GHR: variants seen among roughly 807,000 people sequenced by gnomAD.
GHR encodes GH receptor.
In GHR, 35 loss-of-function variants were observed where a neutral mutation model predicts 67.1. The observed-to-expected ratio is 0.52, with a 90% CI of 0.40 to 0.69. The LOEUF (loss-of-function observed/expected upper bound fraction) is 0.69. Ranked by LOEUF, GHR falls within the 30% of genes least tolerant of loss-of-function variation. The pLI is 0.00. For missense variants in GHR, 792 were observed against 764.6 expected (o/e 1.04, Z -0.42); for synonymous variants, 272 against 269.1 (o/e 1.01, Z -0.10).
intron 3 of GHR, among the ~76,000 whole-genome samples, chr5:42,637,907 T>C (rs1336361507): frequency 2.0e-5 from 3 of 152,224 alleles, no homozygotes; most frequent in Non-Finnish European, 2.9e-5. Flanking sequence ...CTGAACTAAT[T>C]TACATTCCCA....
chr5:42,442,906 A>G (rs1160898693), intron 1 of GHR, among the ~76,000 whole-genome samples: 1 of 152,230 alleles, frequency 6.6e-6, no homozygotes, highest in East Asian at 1.9e-4. Context: ...TCTCCCTGAC[A>G]TTAGAAGTCC....
At chr5:42,472,538 A>G (rs1243193916) in intron 1 of GHR, among the ~76,000 whole-genome samples, 2 of 152,230 alleles carry the variant, frequency 1.3e-5, no homozygotes, top group African/African-American at 2.4e-5. Flanking sequence ...GCCAAATAGT[A>G]GAAAGAGAAT....
chr5:42,527,181 T>C (rs1747739997), intron 1 of GHR, among the ~76,000 whole-genome samples: 1 of 152,126 alleles, frequency 6.6e-6, no homozygotes, highest in South Asian at 2.1e-4. Flanking sequence ...CAAGCCAGCA[T>C]AACCAGCTAA....
chr5:42,625,353 T>C (rs545798787), intron 2 of GHR, among the ~76,000 whole-genome samples: 1 of 152,242 alleles, frequency 6.6e-6, no homozygotes, highest in Admixed American at 6.5e-5. Context: ...AAAAAAAAAT[T>C]CATTTTCTCC....
chr5:42,453,680 G>A (rs1484956694), intron 1 of GHR, among the ~76,000 whole-genome samples: 2 of 152,206 alleles, frequency 1.3e-5, no homozygotes, highest in Admixed American at 6.5e-5. Flanking sequence ...ATGCAGGCCT[G>A]AATCTGGGGT....
At position 42,718,757 on chromosome 5, in the gene GHR, TA is replaced by T. The variant is rs1758860206; in HGVS notation, c.1254del (p.Glu420LysfsTer56). 6.2e-7 allele frequency: 1 copy of T among 1,613,978 alleles called. No homozygotes were observed. Among genetic ancestry groups the T allele is most frequent in the Non-Finnish European group, 8.5e-7 (1 of 1,180,010 alleles). On this transcript the variant is annotated frameshift_variant, in exon 10 of 10. Transcript: ENST00000230882. LOFTEE classifies it high-confidence loss of function. ...GTSEVAQPQR[L>X]KGEADLLCLD... ...TCAGAGGTTGCTCAGCCACAGAGGT[TA>T]AAAGGGGAAGCAGATCTCTTATGCC...
chr5:42,652,592 G>T (rs1426505802), intron 3 of GHR, among the ~76,000 whole-genome samples: 1 of 152,170 alleles, frequency 6.6e-6, no homozygotes, highest in Non-Finnish European at 1.5e-5. Flanking sequence ...TGCAGTTCCA[G>T]TGTCGAGACA....
chr5:42,443,948 T>TATAG lies in GHR; in HGVS notation c.-12+19997_-12+20000dup, dbSNP rs1347511910. Among the ~76,000 whole-genome samples, 544 of 145,096 alleles carry TATAG rather than the reference T, an allele frequency of 3.7e-3. 1 individual carries two copies. The highest frequency in any genetic ancestry group is 0.013 in the African/African-American group (503 of 37,910). ...CATGGCCCAGCCAAGGTGATATAGA[T>TATAG]ATAGATATAGATAGATATAGATATA... On this transcript the variant is annotated intron_variant, in intron 1 of 9. Transcript: ENST00000230882.
chr5:42,634,419 A>G (rs1468475416), intron 3 of GHR, among the ~76,000 whole-genome samples: 1 of 152,046 alleles, frequency 6.6e-6, no homozygotes, highest in Non-Finnish European at 1.5e-5. Context: ...AAATTGAACT[A>G]TCTCTAAAGA....
chr5:42,499,239 T>C (rs900010257), intron 1 of GHR, among the ~76,000 whole-genome samples: 1 of 152,200 alleles, frequency 6.6e-6, no homozygotes, highest in African/African-American at 2.4e-5. Flanking sequence ...GACTACTGGA[T>C]TGCATCATCT....
chr5:42,511,867 T>C (rs1747032946), intron 1 of GHR, among the ~76,000 whole-genome samples: 1 of 152,124 alleles, frequency 6.6e-6, no homozygotes, highest in Non-Finnish European at 1.5e-5. Context: ...CCTGGAAAAA[T>C]ACTGTGATAT....
chr5:42,670,033 T>C (rs539470339), intron 3 of GHR, among the ~76,000 whole-genome samples: 4 of 152,160 alleles, frequency 2.6e-5, no homozygotes, highest in Non-Finnish European at 5.9e-5. Flanking sequence ...ATAAAATTCA[T>C]ATGGAACCAC....
chr5:42,573,952 C>T (rs1377456980), intron 2 of GHR, among the ~76,000 whole-genome samples: 3 of 151,932 alleles, frequency 2.0e-5, no homozygotes, highest in African/African-American at 4.8e-5. Flanking sequence ...TTAACGGATT[C>T]ACCTTAGTGG....
At chr5:42,468,398 T>C (rs576486665) in intron 1 of GHR, 17 of 1,182,566 alleles carry the variant, frequency 1.4e-5, no homozygotes, top group Non-Finnish European at 1.9e-5. Flanking sequence ...AAGCTTTATG[T>C]TTCAAAAGCT....
chr5:42,440,047 C>A (rs564108056), intron 1 of GHR, among the ~76,000 whole-genome samples: 1 of 152,222 alleles, frequency 6.6e-6, no homozygotes, highest in South Asian at 2.1e-4. Flanking sequence ...GAAAATTCAT[C>A]ATTACTCTCA....
At position 42,594,633 on chromosome 5, in the gene GHR, A is replaced by G. The variant is rs1751970825; in HGVS notation, c.70+28689A>G. Among the ~76,000 whole-genome samples the G allele has an allele frequency of 3.3e-5, 5 of 152,190 alleles. No homozygotes were observed. The South Asian group carries it at 1.0e-3, about 32-fold the overall frequency. On this transcript the variant is annotated intron_variant, in intron 2 of 9. Coordinates refer to ENST00000230882, the MANE Select transcript of GHR (RefSeq NM_000163.5). ...ACTTTAGTAATAATAAGTCCTTAGA[A>G]CACAAACACTGTCACTTGTAAAACA... is the stretch of plus-strand genomic sequence containing the variant.
At chr5:42,426,588 T>C (rs978686704) in intron 1 of GHR, among the ~76,000 whole-genome samples, 5 of 152,210 alleles carry the variant, frequency 3.3e-5, no homozygotes. Context: ...AAGCCAATAC[T>C]TTTTCTTCTT....
At chr5:42,456,352 G>T (rs180717448) in intron 1 of GHR, among the ~76,000 whole-genome samples, 1 of 152,256 alleles carries the variant, frequency 6.6e-6, no homozygotes, top group Non-Finnish European at 1.5e-5. Context: ...AAATTTCCTG[G>T]TGGAGAGGAA....
At chr5:42,627,802 T>A (rs1225283883) in intron 2 of GHR, among the ~76,000 whole-genome samples, 1 of 152,142 alleles carries the variant, frequency 6.6e-6, no homozygotes, top group Non-Finnish European at 1.5e-5. Context: ...ACAGCTTGAG[T>A]GTTAATCAGC....
Sources: gnomAD v4.1 joint callset for allele counts (sites outside exome capture counted in the v4.1 genomes callset) on GRCh38, gnomAD v4.1.1 for gene constraint, MANE v1.5 for transcripts, NCBI Gene and HGNC (gene_info 2026-07-23, HGNC 2026-07-21) for gene names.